The following ALK variants were observed in gnomAD, a reference collection of about 807,000 sequenced individuals.
ALK encodes ALK receptor tyrosine kinase.
ALK carries 74 observed loss-of-function variants against 163.1 expected under a neutral mutation model. The observed-to-expected ratio is 0.45, with a 90% CI of 0.38 to 0.55. ALK has a LOEUF of 0.55. Ranked by LOEUF, ALK falls within the 20% of genes least tolerant of loss-of-function variation. ALK has a pLI of 0.00. For synonymous variants in ALK, 960 were observed against 843.2 expected, an observed-to-expected ratio of 1.14 and a Z score of -2.40; for missense variants, 2,063 against 2,105.3, an observed-to-expected ratio of 0.98 and a Z score of 0.39.
At chr2:29,268,540 G>A (rs1297157591) in intron 11 of ALK, among the ~76,000 whole-genome samples, 1 of 152,198 alleles carries the variant, frequency 6.6e-6, no homozygotes, top group Non-Finnish European at 1.5e-5. Context: ...TTGGCACAGA[G>A]CAGGCACCCA....
intron 3 of ALK, among the ~76,000 whole-genome samples, chr2:29,583,567 C>A (rs1259020641): frequency 9.6e-5 from 12 of 125,562 alleles, no homozygotes; most frequent in Admixed American, 9.3e-4. Flanking sequence ...CTTTTAATAT[C>A]AAGATAAACA....
chr2:29,811,104 C>G (rs199731894), intron 1 of ALK, among the ~76,000 whole-genome samples: 1 of 151,766 alleles, frequency 6.6e-6, no homozygotes, highest in African/African-American at 2.4e-5. Flanking sequence ...ACTGCAGAGT[C>G]GAAAGAGATG....
At chr2:29,673,676 C>T (rs1484849277) in intron 3 of ALK, among the ~76,000 whole-genome samples, 1 of 150,908 alleles carries the variant, frequency 6.6e-6, no homozygotes, top group Non-Finnish European at 1.5e-5. Context: ...TTTTTGGTTC[C>T]ATATGAACTT....
intron 9 of ALK, among the ~76,000 whole-genome samples, chr2:29,283,286 T>C (rs1006378587): frequency 3.3e-5 from 5 of 152,212 alleles, no homozygotes; most frequent in Non-Finnish European, 7.3e-5. Flanking sequence ...TAGTCTCATA[T>C]GTACTCCGTA....
intron 1 of ALK, among the ~76,000 whole-genome samples, chr2:29,851,271 G>A (rs1665983451): frequency 6.6e-6 from 1 of 152,166 alleles, no homozygotes; most frequent in Admixed American, 6.5e-5. Context: ...AGCATAAACT[G>A]CAAAATCTTT....
chr2:29,318,565 A>G (rs1666903971), intron 7 of ALK, among the ~76,000 whole-genome samples, 161 bp from the exon 8 acceptor site: 1 of 148,632 alleles, frequency 6.7e-6, no homozygotes, highest in Non-Finnish European at 1.5e-5. Context: ...CCTGTCAACA[A>G]TTTCTTTTTT....
chr2:29,412,193 G>A (rs1669741306), intron 4 of ALK, among the ~76,000 whole-genome samples: 1 of 152,174 alleles, frequency 6.6e-6, no homozygotes. Context: ...ACCAGTAAAA[G>A]GAGGATGTGT....
chr2:29,273,592 A>AG (rs1328934133), intron 11 of ALK, among the ~76,000 whole-genome samples: 1 of 152,162 alleles, frequency 6.6e-6, no homozygotes, highest in Non-Finnish European at 1.5e-5. Flanking sequence ...TGCTGGCTGC[A>AG]GGGGGCTGGC....
At chr2:29,657,348 T>C (rs1239572664) in intron 3 of ALK, among the ~76,000 whole-genome samples, 1 of 152,148 alleles carries the variant, frequency 6.6e-6, no homozygotes, top group Non-Finnish European at 1.5e-5. Context: ...TGACTCCGAA[T>C]ATGCTACTTC....
chr2:29,849,313 C>T (rs1316206168), intron 1 of ALK, among the ~76,000 whole-genome samples: 1 of 152,200 alleles, frequency 6.6e-6, no homozygotes, highest in Non-Finnish European at 1.5e-5. Context: ...TTGAATGTCC[C>T]CTGACTAACT....
intron 1 of ALK, among the ~76,000 whole-genome samples, chr2:29,899,391 C>T (rs1667351266): frequency 6.6e-6 from 1 of 152,182 alleles, no homozygotes; most frequent in Non-Finnish European, 1.5e-5. Flanking sequence ...CTTCTGCAGC[C>T]ACCCATCACC....
chr2:29,633,017 C>A (rs1226823464), intron 3 of ALK, among the ~76,000 whole-genome samples: 1 of 152,170 alleles, frequency 6.6e-6, no homozygotes, highest in African/African-American at 2.4e-5. Flanking sequence ...GACACAGGAA[C>A]AAACCATATC....
intron 4 of ALK, 47 bp downstream of exon 4, chr2:29,531,868 C>T: frequency 6.2e-7 from 1 of 1,602,824 alleles, no homozygotes. Context: ...AACCAAAAGC[C>T]AAATCACCTG....
chr2:29,763,978 G>A (rs1339092848), intron 1 of ALK, among the ~76,000 whole-genome samples: 2 of 152,148 alleles, frequency 1.3e-5, no homozygotes, highest in African/African-American at 4.8e-5. Context: ...TGCTCTCACA[G>A]CCACCTGGGG....
chr2:29,727,893 CTG>C (rs1679618422), intron 1 of ALK, among the ~76,000 whole-genome samples: 1 of 152,078 alleles, frequency 6.6e-6, no homozygotes. Flanking sequence ...GACTATTTAT[CTG>C]TGTCTTCCTA....
In ALK at chr2:29,831,974, T is replaced by C. The variant is rs141347351; in HGVS notation, c.667+88019A>G. 2.3e-3 allele frequency among the ~76,000 whole-genome samples: 343 copies of C among 152,342 alleles called. 4 individuals are homozygous for C. The highest frequency in any genetic ancestry group is 8.0e-3 in the African/African-American group (332 of 41,576). Reference sequence around the variant, plus strand: ...TGTTCTCCAACTGGGTATGGTCTTATCGTTCAAAGATCTCAGTATACTGAA... The same window carrying C: ...TGTTCTCCAACTGGGTATGGTCTTACCGTTCAAAGATCTCAGTATACTGAA... On this transcript the variant is annotated intron_variant, in intron 1 of 28. Transcript: ENST00000389048.
chr2:29,713,493 T>C (rs1431168049), intron 2 of ALK, among the ~76,000 whole-genome samples: 2 of 152,192 alleles, frequency 1.3e-5, no homozygotes, highest in Non-Finnish European at 2.9e-5. Context: ...CATTTGGTGA[T>C]ATCAAGTCTT....
At chr2:29,370,744 A>G (rs895162331) in intron 5 of ALK, among the ~76,000 whole-genome samples, 7 of 152,170 alleles carry the variant, frequency 4.6e-5, no homozygotes, top group African/African-American at 1.7e-4. Context: ...GTGGGGTTGT[A>G]GCCTCACAGA....
chr2:29,334,418 C>T (rs140108138), intron 5 of ALK, among the ~76,000 whole-genome samples: 251 of 152,250 alleles, frequency 1.6e-3, no homozygotes, highest in African/African-American at 5.4e-3. Context: ...ACCAAAGCTC[C>T]GAGTGGTTAG....
Sources: allele counts gnomAD v4.1 joint callset (sites outside exome capture counted in the v4.1 genomes callset), GRCh38; gene constraint gnomAD v4.1.1; transcripts MANE v1.5; gene names NCBI Gene and HGNC (gene_info 2026-07-23, HGNC 2026-07-21).